Variants in CYTH1 observed in about 807,000 individuals in gnomAD.
The protein encoded by CYTH1 is cytohesin 1.
In CYTH1, 18 loss-of-function variants were observed where a neutral mutation model predicts 61.8. The observed-to-expected ratio is 0.29, with a 90% CI of 0.20 to 0.43. The LOEUF is 0.43. CYTH1 is among the 20% of genes least tolerant of loss of function. The pLI is 1.00. For missense variants in CYTH1, 336 were observed against 510.5 expected (o/e 0.66, Z 3.29); for synonymous variants, 174 against 184.3 (o/e 0.94, Z 0.45).
chr17:78,709,615 C>CT, intron 2 of CYTH1, 35 bp downstream of exon 2: 1 of 1,608,910 alleles, frequency 6.2e-7, no homozygotes, highest in Non-Finnish European at 8.5e-7. Context: ...CACTGTGGTT[C>CT]TTACGTTGGT....
At chr17:78,711,155 G>T (rs934664299) in intron 1 of CYTH1, among the ~76,000 whole-genome samples, 1 of 151,610 alleles carries the variant, frequency 6.6e-6, no homozygotes, top group African/African-American at 2.4e-5. Context: ...CCAGCTACTC[G>T]GGAGGCTGAG....
At chr17:78,680,515 T>C (rs779199282) in intron 12 of CYTH1, among the ~76,000 whole-genome samples, 171 bp from the exon 13 acceptor site, 7 of 152,190 alleles carry the variant, frequency 4.6e-5, no homozygotes, top group Non-Finnish European at 7.4e-5. Context: ...AGACTGTAAA[T>C]TGTATAGAAG....
chr17:78,738,626 T>A (rs1000862847), intron 1 of CYTH1, among the ~76,000 whole-genome samples: 9 of 145,236 alleles, frequency 6.2e-5, no homozygotes, highest in East Asian at 2.0e-4. Flanking sequence ...TGCATATATT[T>A]AAAAAAAAAA....
chr17:78,780,640 G>A (rs577574562), intron 1 of CYTH1, among the ~76,000 whole-genome samples: 1 of 152,358 alleles, frequency 6.6e-6, no homozygotes, highest in South Asian at 2.1e-4. Flanking sequence ...CGAGGCAGAG[G>A]TGGGAGGACT....
chr17:78,685,338 ACCT>A (rs1226782654), intron 11 of CYTH1, among the ~76,000 whole-genome samples: 7 of 146,164 alleles, frequency 4.8e-5, no homozygotes. Flanking sequence ...TCCTCCTCCC[ACCT>A]CCTGATTTTT....
At chr17:78,676,420 A>C in intron 13 of CYTH1, 1 of 509,900 alleles carries the variant, frequency 2.0e-6, no homozygotes. Flanking sequence ...CAACATAATA[A>C]TCAATTCACA....
At chr17:78,715,675 C>T (rs1382136432) in intron 1 of CYTH1, among the ~76,000 whole-genome samples, 1 of 152,160 alleles carries the variant, frequency 6.6e-6, no homozygotes, top group East Asian at 1.9e-4. Context: ...TACAGGAAAT[C>T]ACAGAAGAAA....
chr17:78,726,534 T>C (rs1205178198), intron 1 of CYTH1, among the ~76,000 whole-genome samples: 2 of 152,084 alleles, frequency 1.3e-5, no homozygotes, highest in Non-Finnish European at 2.9e-5. Context: ...AAATAAATGC[T>C]GTCTGCAAGG....
intron 1 of CYTH1, among the ~76,000 whole-genome samples, chr17:78,774,084 T>G (rs550616348): frequency 1.8e-4 from 27 of 152,360 alleles, no homozygotes; most frequent in Non-Finnish European, 3.2e-4. Flanking sequence ...TTTTAAAATG[T>G]TGATCCTCAC....
chr17:78,702,014 C>T (rs939027616), intron 5 of CYTH1, 108 bp downstream of exon 5: 3 of 981,902 alleles, frequency 3.1e-6, no homozygotes, highest in African/African-American at 3.3e-5. Flanking sequence ...GCTACAGATG[C>T]TTTAAGGCAA....
At chr17:78,695,934 T>C in intron 10 of CYTH1, 73 bp downstream of exon 10, 1 of 1,361,282 alleles carries the variant, frequency 7.3e-7, no homozygotes, top group Non-Finnish European at 9.8e-7. Flanking sequence ...TAACCAAAAA[T>C]AACGAAATCA....
intron 1 of CYTH1, among the ~76,000 whole-genome samples, chr17:78,775,111 C>A (rs1198209841): frequency 2.0e-5 from 3 of 152,224 alleles, no homozygotes; most frequent in Non-Finnish European, 4.4e-5. Flanking sequence ...CGAGGCATCA[C>A]ACCATCCACA....
chr17:78,764,295 C>A (rs2093439903), intron 1 of CYTH1, among the ~76,000 whole-genome samples: 1 of 148,902 alleles, frequency 6.7e-6, no homozygotes, highest in African/African-American at 2.5e-5. Context: ...CTCCTGGGTT[C>A]AAGCAATTCT....
At chr17:78,706,581 T>C (rs1293817823) in intron 3 of CYTH1, among the ~76,000 whole-genome samples, 1 of 152,248 alleles carries the variant, frequency 6.6e-6, no homozygotes, top group Non-Finnish European at 1.5e-5. Flanking sequence ...TATATAAGAA[T>C]GCTATAGATA....
Position 78,675,952 on chromosome 17 carries a change from A to T in CYTH1, c.*139T>A. On this transcript the variant is annotated 3_prime_UTR_variant, in exon 14 of 14. Coordinates refer to ENST00000446868, the MANE Select transcript of CYTH1 (RefSeq NM_004762.6). Reference sequence around the variant, plus strand: ...CCTTCTCCCACTTAAAAAAAATAGCAAAAGCTGAAGCTAGTCTCTAGGAAT... The same window carrying T: ...CCTTCTCCCACTTAAAAAAAATAGCTAAAGCTGAAGCTAGTCTCTAGGAAT... 1 of 1,548,306 alleles carries T rather than the reference A, an allele frequency of 6.5e-7. No individual in the cohort carries two copies. The highest frequency in any genetic ancestry group is 1.4e-5 in the African/African-American group (1 of 73,032).
chr17:78,732,237 AT>A (rs1351500376), intron 1 of CYTH1, among the ~76,000 whole-genome samples: 1 of 152,144 alleles, frequency 6.6e-6, no homozygotes, highest in African/African-American at 2.4e-5. Context: ...ATCTTAGAAA[AT>A]TCCACCTGTT....
chr17:78,680,731 G>A (rs1216989493), intron 12 of CYTH1, among the ~76,000 whole-genome samples: 1 of 152,210 alleles, frequency 6.6e-6, no homozygotes, highest in Non-Finnish European at 1.5e-5. Context: ...CGCTGCCATT[G>A]CAGGAGGGGC....
At chr17:78,684,553 C>T (rs1311622477) in intron 11 of CYTH1, among the ~76,000 whole-genome samples, 1 of 152,158 alleles carries the variant, frequency 6.6e-6, no homozygotes, top group Non-Finnish European at 1.5e-5. Context: ...ATCACTGTTG[C>T]TGTAAAAATA....
chr17:78,735,432 A>C (rs1329774248), intron 1 of CYTH1, among the ~76,000 whole-genome samples: 1 of 152,234 alleles, frequency 6.6e-6, no homozygotes, highest in Admixed American at 6.5e-5. Context: ...CTTTGGAACT[A>C]GATCTTGGCT....
Sources: gnomAD v4.1 joint callset for allele counts (sites outside exome capture counted in the v4.1 genomes callset) on GRCh38, gnomAD v4.1.1 for gene constraint, MANE v1.5 for transcripts, NCBI Gene and HGNC (gene_info 2026-07-23, HGNC 2026-07-21) for gene names.